Variants in WNT7B observed in about 807,000 individuals in gnomAD.
WNT7B encodes the protein Wnt family member 7B.
WNT7B carries 19 observed loss-of-function variants against 38.2 expected under a neutral mutation model. The ratio of observed to expected loss-of-function variants is 0.50; its 90% confidence interval spans 0.35 to 0.73. WNT7B has a LOEUF of 0.73. Ranked by LOEUF, WNT7B falls within the 30% of genes least tolerant of loss-of-function variation. WNT7B has a pLI of 0.01. For missense variants in WNT7B, 423 were observed against 507.9 expected (o/e 0.83, Z 1.61); for synonymous variants, 243 against 209.3 (o/e 1.16, Z -1.39).
intron 1 of WNT7B, among the ~76,000 whole-genome samples, chr22:45,971,530 A>T (rs1395503384): frequency 6.6e-6 from 1 of 152,158 alleles, no homozygotes; most frequent in Non-Finnish European, 1.5e-5. Context: ...TGGCCGAGAC[A>T]ACTGGGCGAA....
rs955226158 is a variant in WNT7B at position 45,958,308 on chromosome 22, T to C, written c.72-8162A>G. On this transcript the variant is annotated intron_variant, in intron 1 of 3. Transcript: ENST00000339464. ...AGGAGCTTTGGGGTGACCTGTCATC[T>C]TACTCTTGGGTACCCTGAGCCCAGG... Among the ~76,000 whole-genome samples, 5 of 152,200 alleles carry C rather than the reference T, an allele frequency of 3.3e-5. No individual in the cohort carries two copies. The East Asian group carries it at 9.6e-4, about 29-fold the overall frequency.
chr22:45,969,172 G>A (rs994900599), intron 1 of WNT7B, among the ~76,000 whole-genome samples: 2 of 152,204 alleles, frequency 1.3e-5, no homozygotes, highest in African/African-American at 4.8e-5. Context: ...GAGCCGGGAA[G>A]AGGCCTGGCC....
At chr22:45,971,791 G>A (rs949979171) in intron 1 of WNT7B, among the ~76,000 whole-genome samples, 20 of 152,302 alleles carry the variant, frequency 1.3e-4, no homozygotes, top group Admixed American at 3.9e-4. Flanking sequence ...ATATGGGGAG[G>A]GGTCCCCCGC....
rs776586705 is a variant in WNT7B, at chr22:45,920,745, TGGGATGG to T, written c.*2104_*2110del. 7 of 38,758 alleles carry T rather than the reference TGGGATGG, an allele frequency of 1.8e-4. No homozygotes were observed. Among genetic ancestry groups the T allele is most frequent in the Admixed American group, 1.6e-3 (4 of 2,460 alleles). 2.4% of individuals were successfully genotyped at this position (38,758 alleles called of 1,614,324 possible). A position where few individuals can be genotyped will look rare whatever the true frequency, so the allele number is the denominator to read the frequency against. Reference sequence around the variant, plus strand: ...ATGAGGGATGAGATGAGGGATGGGATGGGATGGGGGATGAGGGATGGGGGCCGCAGCC... The same window carrying T: ...ATGAGGGATGAGATGAGGGATGGGATGGGATGAGGGATGGGGGCCGCAGCC... On this transcript the variant is annotated 3_prime_UTR_variant, in exon 4 of 4. Coordinates refer to ENST00000339464, the MANE Select transcript of WNT7B (RefSeq NM_058238.3).
chr22:45,926,400 G>C (rs570688884), intron 3 of WNT7B: 10 of 985,192 alleles, frequency 1.0e-5, no homozygotes, highest in Non-Finnish European at 1.2e-5. Flanking sequence ...GGGCAGGGGG[G>C]TGGTGGACTG....
rs1469619995 is a variant in WNT7B at position 45,976,362 on chromosome 22, G to A, written c.71+322C>T. On this transcript the variant is annotated intron_variant, in intron 1 of 3. Coordinates refer to ENST00000339464, the MANE Select transcript of WNT7B (RefSeq NM_058238.3). This position sits in a 1 kb window ranked among gnomAD's most constrained non-coding sequence, Gnocchi z 8.5. ...CAGCGCAGCCCGGGGGAGGGAAGGC[G>A]CGTCCCACCCCCGGGGCCTGGAGCC... 6.6e-6 allele frequency among the ~76,000 whole-genome samples: 1 copy of A among 150,990 alleles called. No homozygotes were observed. The highest frequency in any genetic ancestry group is 1.5e-5 in the Non-Finnish European group (1 of 67,624).
At chr22:45,961,962 C>A (rs1397978208) in intron 1 of WNT7B, among the ~76,000 whole-genome samples, 1 of 152,168 alleles carries the variant, frequency 6.6e-6, no homozygotes, top group African/African-American at 2.4e-5. Flanking sequence ...GTCCCGCCTG[C>A]CACTCTTTCC....
chr22:45,954,579 G>A, intron 1 of WNT7B: 2 of 985,356 alleles, frequency 2.0e-6, no homozygotes, highest in Non-Finnish European at 2.4e-6. Flanking sequence ...TGACAGAGCA[G>A]GGGGACTAGA....
At chr22:45,933,819 G>A (rs1242981948) in intron 2 of WNT7B, among the ~76,000 whole-genome samples, 1 of 152,224 alleles carries the variant, frequency 6.6e-6, no homozygotes, top group Non-Finnish European at 1.5e-5. Context: ...AGGCAAAGAT[G>A]CTGAGCTGTG....
intron 3 of WNT7B, among the ~76,000 whole-genome samples, chr22:45,929,906 ACCCATCCATCTATCCT>A (rs1464343881): frequency 6.6e-6 from 1 of 150,712 alleles, no homozygotes; most frequent in Admixed American, 6.6e-5. Context: ...TCATCTATCT[ACCCATCCATCTATCCT>A]CCCATCCACC....
chr22:45,927,029 C>T (rs1931106484), intron 3 of WNT7B: 1 of 985,350 alleles, frequency 1.0e-6, no homozygotes, highest in African/African-American at 1.7e-5. Context: ...TAGCTTCTAA[C>T]CTCATGTCAC....
rs1932066363 is a variant in WNT7B, at chr22:45,956,529, T to C, written c.72-6383A>G. Among the ~76,000 whole-genome samples, 3 of 152,248 alleles carry C rather than the reference T, an allele frequency of 2.0e-5. No homozygotes were observed. The South Asian group carries it at 6.2e-4, about 32-fold the overall frequency. On this transcript the variant is annotated intron_variant, in intron 1 of 3. Transcript: ENST00000339464. ...AGCCACTGCACCCACCACCGATGGGTCCACGCCCACATCAGCCCTTCCCTG... is the reference window on the plus strand; with the variant it reads ...AGCCACTGCACCCACCACCGATGGGCCCACGCCCACATCAGCCCTTCCCTG...
In WNT7B at chr22:45,975,986, G is replaced by GCGGCT. The variant is rs1331906224; in HGVS notation, c.71+693_71+697dup. ...GCAGCTACCGCAGAGAGCAGCTAGC[G>GCGGCT]CGGCTCGCCGGGCGCCCGCCCGCCG... On this transcript the variant is annotated intron_variant, in intron 1 of 3. Coordinates refer to ENST00000339464, the MANE Select transcript of WNT7B (RefSeq NM_058238.3). This position sits in a 1 kb window ranked among gnomAD's most constrained non-coding sequence, Gnocchi z 6.6. 6.7e-6 allele frequency: 1 copy of GCGGCT among 148,460 alleles called. No individual in the cohort carries two copies. The highest frequency in any genetic ancestry group is 2.4e-5 in the African/African-American group (1 of 40,948). The allele number at this position is 148,460 out of a possible 1,614,324, so 9.2% of individuals were successfully genotyped here. A position where few individuals can be genotyped will look rare whatever the true frequency, so the allele number is the denominator to read the frequency against.
intron 2 of WNT7B, among the ~76,000 whole-genome samples, chr22:45,947,529 G>A (rs775855265): frequency 7.2e-5 from 11 of 152,210 alleles, no homozygotes; most frequent in Non-Finnish European, 1.6e-4. Flanking sequence ...CGCATGGGTC[G>A]CAGGGAATGG....
chr22:45,948,372 C>T (rs1247261421), intron 2 of WNT7B, among the ~76,000 whole-genome samples: 4 of 152,194 alleles, frequency 2.6e-5, no homozygotes, highest in East Asian at 1.9e-4. Context: ...CCACCCTCTT[C>T]GCTGTGCCAG....
At chr22:45,961,016 C>A (rs1015294763) in intron 1 of WNT7B, among the ~76,000 whole-genome samples, 1 of 152,230 alleles carries the variant, frequency 6.6e-6, no homozygotes, top group African/African-American at 2.4e-5. Flanking sequence ...AGGCTGCAGA[C>A]TGGCCAGATG....
rs925973424 is a variant in WNT7B at position 45,922,576 on chromosome 22, G to C, written c.*280C>G. 22 of 473,240 alleles carry C rather than the reference G, an allele frequency of 4.6e-5. No individual in the cohort carries two copies. The highest frequency in any genetic ancestry group is 1.5e-4 in the Admixed American group (4 of 26,988). 29.3% of individuals were successfully genotyped at this position (473,240 alleles called of 1,614,324 possible). A position where few individuals can be genotyped will look rare whatever the true frequency, so the allele number is the denominator to read the frequency against. ...CCAGAGAGAAGAAAGAGAACTTGCC[G>C]GGCCCCGTCGGGGAGCACCAAGACC... On this transcript the variant is annotated 3_prime_UTR_variant, in exon 4 of 4. Coordinates refer to ENST00000339464, the MANE Select transcript of WNT7B (RefSeq NM_058238.3).
rs1429644183 is a variant in WNT7B at position 45,975,446 on chromosome 22, G to T, written c.71+1238C>A. The T allele has an allele frequency of 7.5e-6, 5 of 670,904 alleles. No homozygotes were observed. Among genetic ancestry groups the T allele is most frequent in the Non-Finnish European group, 1.4e-5 (5 of 358,394 alleles). 41.6% of individuals were successfully genotyped at this position (670,904 alleles called of 1,614,324 possible). A position where few individuals can be genotyped will look rare whatever the true frequency, so the allele number is the denominator to read the frequency against. Reference sequence around the variant, plus strand: ...GCTACCGGCAGCCGCAGACACGCCCGCCCAGACCTGCAGGGCTCAGGCTAG... The same window carrying T: ...GCTACCGGCAGCCGCAGACACGCCCTCCCAGACCTGCAGGGCTCAGGCTAG... On this transcript the variant is annotated intron_variant, in intron 1 of 3. Coordinates refer to ENST00000339464, the MANE Select transcript of WNT7B (RefSeq NM_058238.3). This position sits in a 1 kb window ranked among gnomAD's most constrained non-coding sequence, Gnocchi z 6.6.
At chr22:45,970,015 T>A (rs960762353) in intron 1 of WNT7B, among the ~76,000 whole-genome samples, 22 of 152,192 alleles carry the variant, frequency 1.4e-4, no homozygotes, top group African/African-American at 5.1e-4. Context: ...CAAGGTCTTC[T>A]CACTTTGCAT....
Sources: allele counts gnomAD v4.1 joint callset (sites outside exome capture counted in the v4.1 genomes callset), GRCh38; gene constraint gnomAD v4.1.1; non-coding constraint Gnocchi (gnomAD v3.1); transcripts MANE v1.5; gene names NCBI Gene and HGNC (gene_info 2026-07-23, HGNC 2026-07-21).